NCALD: variants seen among roughly 807,000 people sequenced by gnomAD.
NCALD encodes the protein neurocalcin delta, also known as neurocalcin-delta.
In NCALD, 10 loss-of-function variants were observed where a neutral mutation model predicts 18.6. The ratio of observed to expected loss-of-function variants is 0.54; its 90% confidence interval spans 0.33 to 0.91. NCALD has a LOEUF of 0.91. Ranked by LOEUF, NCALD falls within the 40% of genes least tolerant of loss-of-function variation. The pLI, the probability that NCALD is intolerant of heterozygous loss-of-function variation, is 0.03. For missense variants in NCALD, 184 were observed against 247.6 expected, an observed-to-expected ratio of 0.74 and a Z score of 1.72; for synonymous variants, 88 against 87.4, an observed-to-expected ratio of 1.01 and a Z score of -0.04.
intron 1 of NCALD, among the ~76,000 whole-genome samples, chr8:102,030,740 G>T (rs1191409118): frequency 2.0e-5 from 3 of 152,082 alleles, no homozygotes; most frequent in Non-Finnish European, 4.4e-5. Flanking sequence ...GCTGGATGTG[G>T]TGGTGCACGC....
chr8:101,848,739 C>G (rs1283745886), intron 4 of NCALD, among the ~76,000 whole-genome samples: 1 of 151,956 alleles, frequency 6.6e-6, no homozygotes, highest in Non-Finnish European at 1.5e-5. Context: ...CTAGTAATAA[C>G]AGAGAAAAGT....
At chr8:101,768,699 A>ACTCCATCT (rs1306123038) in intron 1 of NCALD, among the ~76,000 whole-genome samples, 1 of 145,494 alleles carries the variant, frequency 6.9e-6, no homozygotes, top group Admixed American at 7.0e-5. Context: ...ACAGAGTGAG[A>ACTCCATCT]CTCCATCTCA....
intron 2 of NCALD, among the ~76,000 whole-genome samples, chr8:101,971,074 C>T (rs773250494): frequency 3.3e-5 from 5 of 152,128 alleles, no homozygotes; most frequent in Non-Finnish European, 5.9e-5. Flanking sequence ...CAGCAGATGG[C>T]CCTCATCAGA....
At chr8:101,821,360 C>T (rs1813710781) in intron 4 of NCALD, among the ~76,000 whole-genome samples, 1 of 152,096 alleles carries the variant, frequency 6.6e-6, no homozygotes, top group African/African-American at 2.4e-5. Flanking sequence ...GTACATTAAC[C>T]AACATATTCT....
At chr8:101,859,060 G>T (rs954161751) in intron 4 of NCALD, among the ~76,000 whole-genome samples, 4 of 152,164 alleles carry the variant, frequency 2.6e-5, no homozygotes, top group African/African-American at 9.7e-5. Context: ...TGAGTTAGTG[G>T]ACTGGGAGAG....
rs1429955971 is a variant in NCALD, at chr8:101,689,121, G to A, written c.*188C>T. The A allele has an allele frequency of 9.9e-6, 7 of 706,390 alleles. No individual in the cohort carries two copies. The highest frequency in any genetic ancestry group is 2.0e-5 in the Admixed American group (1 of 49,992). The allele number at this position is 706,390 out of a possible 1,614,324, so 43.8% of individuals were successfully genotyped here. On this transcript the variant is annotated 3_prime_UTR_variant, in exon 4 of 4. Coordinates refer to ENST00000220931, the MANE Select transcript of NCALD (RefSeq NM_032041.3). The surrounding 1 kb of genome is among the most constrained non-coding windows in gnomAD (Gnocchi z 4.4). The stretch of plus-strand genomic sequence containing the variant: ...CCATGCTCTCCACAAGCACACTGGG[G>A]CTCTGGGCATTCCCACGAAGCATCC...
intron 2 of NCALD, among the ~76,000 whole-genome samples, chr8:101,932,197 C>T (rs527650356): frequency 6.6e-6 from 1 of 151,540 alleles, no homozygotes; most frequent in South Asian, 2.1e-4. Flanking sequence ...CCTCCAGGCC[C>T]CCTCCCCTGC....
chr8:101,926,470 G>A (rs895766498), intron 2 of NCALD, among the ~76,000 whole-genome samples: 1 of 152,174 alleles, frequency 6.6e-6, no homozygotes, highest in Admixed American at 6.5e-5. Flanking sequence ...ACCATGTACA[G>A]GTACTGAGCT....
At chr8:101,967,237 C>T (rs1308681276) in intron 2 of NCALD, among the ~76,000 whole-genome samples, 1 of 152,182 alleles carries the variant, frequency 6.6e-6, no homozygotes, top group Admixed American at 6.5e-5. Flanking sequence ...TTGTAAACCA[C>T]AACGGAAGTT....
chr8:101,926,215 C>T (rs1425670320), intron 2 of NCALD, among the ~76,000 whole-genome samples: 1 of 152,226 alleles, frequency 6.6e-6, no homozygotes, highest in African/African-American at 2.4e-5. Context: ...AAAGATGGCT[C>T]ATGAATTCCT....
chr8:101,920,878 T>C (rs1419675057), intron 2 of NCALD, among the ~76,000 whole-genome samples: 4 of 152,064 alleles, frequency 2.6e-5, no homozygotes, highest in African/African-American at 9.6e-5. Context: ...GAATCTAAAA[T>C]AAAAGTTGGA....
intron 1 of NCALD, among the ~76,000 whole-genome samples, chr8:101,728,992 A>G (rs1816696571): frequency 6.6e-6 from 1 of 152,248 alleles, no homozygotes; most frequent in African/African-American, 2.4e-5. Context: ...GAGAACTATC[A>G]AAGTTGTGGA....
chr8:101,760,156 C>T lies in NCALD; in HGVS notation c.-20+30706G>A, dbSNP rs564625078. Among the ~76,000 whole-genome samples, 3 of 152,306 alleles carry T rather than the reference C, an allele frequency of 2.0e-5. No homozygotes were observed. In the South Asian group the frequency reaches 6.2e-4, roughly 32 times the overall value. ...AGAGAACATCTCTTCCCATTTCCTC[C>T]AGCAGAACACCTCAGATATTGACAA... On this transcript the variant is annotated intron_variant, in intron 1 of 3. Transcript: ENST00000220931.
At chr8:101,865,358 G>A (rs1815726291) in intron 4 of NCALD, among the ~76,000 whole-genome samples, 1 of 152,150 alleles carries the variant, frequency 6.6e-6, no homozygotes, top group East Asian at 1.9e-4. Flanking sequence ...CTCCAGGAGG[G>A]CTATTGCTAG....
chr8:101,941,389 G>A (rs1049058526), intron 2 of NCALD, among the ~76,000 whole-genome samples: 2 of 152,244 alleles, frequency 1.3e-5, no homozygotes, highest in Admixed American at 1.3e-4. Context: ...AGGAGGCAGA[G>A]CTCAGGTGGT....
At chr8:101,910,204 G>A (rs757579429) in intron 3 of NCALD, among the ~76,000 whole-genome samples, 17 of 152,154 alleles carry the variant, frequency 1.1e-4, no homozygotes, top group Non-Finnish European at 2.1e-4. Flanking sequence ...GAGGTTCTAG[G>A]ACAGGTGTGG....
At chr8:101,733,604 GT>G (rs1816940770) in intron 1 of NCALD, among the ~76,000 whole-genome samples, 2 of 152,218 alleles carry the variant, frequency 1.3e-5, no homozygotes, top group Admixed American at 6.5e-5. Context: ...TAAAGGTTCA[GT>G]TTGGTTGGGT....
intron 4 of NCALD, among the ~76,000 whole-genome samples, chr8:101,857,614 G>A (rs1815372164): frequency 6.6e-6 from 1 of 152,158 alleles, no homozygotes; most frequent in African/African-American, 2.4e-5. Context: ...ATGCAGAAGA[G>A]GACAGGAAGT....
At chr8:101,881,171 A>C (rs1018625499) in intron 4 of NCALD, among the ~76,000 whole-genome samples, 1 of 152,194 alleles carries the variant, frequency 6.6e-6, no homozygotes, top group African/African-American at 2.4e-5. Flanking sequence ...AAAAAAATAC[A>C]AATAAAAAGG....
Sources: gnomAD v4.1 joint callset for allele counts (sites outside exome capture counted in the v4.1 genomes callset) on GRCh38, gnomAD v4.1.1 for gene constraint, Gnocchi (gnomAD v3.1) non-coding constraint, MANE v1.5 for transcripts, NCBI Gene and HGNC (gene_info 2026-07-23, HGNC 2026-07-21) for gene names.